HERC1: variants seen among roughly 807,000 people sequenced by gnomAD.
HERC1 encodes probable E3 ubiquitin-protein ligase HERC1.
Under a neutral mutation model 554.3 loss-of-function variants are expected in HERC1, and 160 were observed. The observed-to-expected ratio is 0.29, with a 90% CI of 0.25 to 0.33. HERC1 has a LOEUF of 0.33. HERC1 is among the 10% of genes least tolerant of loss of function. The pLI, the probability that HERC1 is intolerant of heterozygous loss-of-function variation, is 1.00. For missense variants in HERC1, 4,919 were observed against 5,918.5 expected, an observed-to-expected ratio of 0.83 and a Z score of 5.54; for synonymous variants, 2,175 against 2,131.7, an observed-to-expected ratio of 1.02 and a Z score of -0.56.
rs1372379573 is a variant in HERC1, at chr15:63,718,107, C to CAT, written c.3978+466_3978+467insAT. Among the ~76,000 whole-genome samples, 1 of 127,698 alleles carries CAT rather than the reference C, an allele frequency of 7.8e-6. No individual in the cohort carries two copies. Among genetic ancestry groups the CAT allele is most frequent in the Non-Finnish European group, 1.7e-5 (1 of 58,930 alleles). 83.8% of individuals were successfully genotyped at this position (127,698 alleles called of 152,430 possible). A position where few individuals can be genotyped will look rare whatever the true frequency, so the allele number is the denominator to read the frequency against. ...TGACACACACACACACACACACACA[C>CAT]ACACACACACACACACAACCCCCTC... On this transcript the variant is annotated intron_variant, in intron 21 of 77. Coordinates refer to ENST00000443617, the MANE Select transcript of HERC1 (RefSeq NM_003922.4). This position sits in a 1 kb window ranked among gnomAD's most constrained non-coding sequence, Gnocchi z 4.2.
At position 63,636,046 on chromosome 15, in the gene HERC1, T is replaced by C. The variant is rs1173231531; in HGVS notation, c.12329A>G (p.Asp4110Gly). The change falls in exon 65 of 78, where the codon GAC becomes GGC. Residue 4110 changes from aspartate (D) to glycine (G), a missense_variant. Asp to Gly is a moderately conservative substitution (Grantham distance 94). Transcript: ENST00000443617. ...SGEVFSWGDG[D>G]YGKLGHGNSD... Reference sequence around the variant, plus strand: ...GTTCCCATGGCCAAGTTTACCATAGTCACCATCTCCCCAGCTAAAGACCTC... The same window carrying C: ...GTTCCCATGGCCAAGTTTACCATAGCCACCATCTCCCCAGCTAAAGACCTC... 1.2e-6 allele frequency: 2 copies of C among 1,613,820 alleles called. No homozygotes were observed. The highest frequency in any genetic ancestry group is 1.7e-6 in the Non-Finnish European group (2 of 1,179,860).
chr15:63,698,809 A>C lies in HERC1; in HGVS notation c.4824T>G (p.Gly1608=). Residue 1608 remains glycine (G), a synonymous_variant, in exon 26 of 78, where the codon GGT becomes GGG. Coordinates refer to ENST00000443617, the MANE Select transcript of HERC1 (RefSeq NM_003922.4). The part of the protein sequence containing the change: ...FVSGDVGNAP[G]FKEPEESMST... ...ACATACTTTCCTCTGGCTCTTTAAA[A>C]CCTGGGGCATTCCCCACATCTCCAC... 3 of 1,613,890 alleles carry C rather than the reference A, an allele frequency of 1.9e-6. No individual in the cohort carries two copies. Among genetic ancestry groups the C allele is most frequent in the Non-Finnish European group, 2.5e-6 (3 of 1,179,842 alleles).
In HERC1 at chr15:63,733,059, A is replaced by G; in HGVS notation, c.2733T>C (p.Ala911=). The change falls in exon 14 of 78, where the codon GCT becomes GCC. Residue 911 remains alanine, a synonymous_variant. Coordinates refer to ENST00000443617, the MANE Select transcript of HERC1 (RefSeq NM_003922.4). ...SLLGYSSPSD[A]ADLSSVCTGY... Reference sequence around the variant, plus strand: ...CAGTACACACAGAAGATAGGTCAGCAGCATCAGAGGGTGAACTATAGCCAA... The same window carrying G: ...CAGTACACACAGAAGATAGGTCAGCGGCATCAGAGGGTGAACTATAGCCAA... 6.2e-7 allele frequency: 1 copy of G among 1,613,876 alleles called. No individual in the cohort carries two copies. Among genetic ancestry groups the G allele is most frequent in the Non-Finnish European group, 8.5e-7 (1 of 1,179,746 alleles).
At chr15:63,714,554 T>G (rs1308163721) in intron 22 of HERC1, among the ~76,000 whole-genome samples, 1 of 145,660 alleles carries the variant, frequency 6.9e-6, no homozygotes, top group Non-Finnish European at 1.5e-5. Context: ...TGTTTTTTTT[T>G]TTTTTTTTTT....
Position 63,718,377 on chromosome 15 carries a change from A to T in HERC1, c.3978+197T>A, listed in dbSNP as rs143502886. 2 of 486,686 alleles carry T rather than the reference A, an allele frequency of 4.1e-6. No homozygotes were observed. Among genetic ancestry groups the T allele is most frequent in the African/African-American group, 3.9e-5 (2 of 51,148 alleles). 30.1% of individuals were successfully genotyped at this position (486,686 alleles called of 1,614,324 possible). ...AGCCAACTAAAGTTTCTTAGAACCA[A>T]TATCACACTTGGTAAATGTGAGGTT... is the stretch of plus-strand genomic sequence containing the variant. On this transcript the variant is annotated intron_variant, in intron 21 of 77. Coordinates refer to ENST00000443617, the MANE Select transcript of HERC1 (RefSeq NM_003922.4). The surrounding 1 kb of genome is among the most constrained non-coding windows in gnomAD (Gnocchi z 4.2).
intron 10 of HERC1, among the ~76,000 whole-genome samples, 169 bp from the exon 11 acceptor site, chr15:63,748,027 A>C (rs939990967): frequency 1.3e-5 from 2 of 152,168 alleles, no homozygotes; most frequent in Non-Finnish European, 2.9e-5. Context: ...GGAGTTCAAG[A>C]CCAGCCTGGC....
At chr15:63,738,987 T>A (rs2074670058) in intron 12 of HERC1, among the ~76,000 whole-genome samples, 1 of 152,186 alleles carries the variant, frequency 6.6e-6, no homozygotes, top group East Asian at 1.9e-4. Flanking sequence ...GTTTATTTTT[T>A]TTTTTTCAAA....
At chr15:63,626,317 G>A (rs2068298658) in intron 70 of HERC1, among the ~76,000 whole-genome samples, 163 bp from the exon 71 acceptor site, 1 of 152,124 alleles carries the variant, frequency 6.6e-6, no homozygotes, top group South Asian at 2.1e-4. Context: ...GTGCATTTGT[G>A]TTGGTTTTTA....
Position 63,680,072 on chromosome 15 carries a change from A to G in HERC1, c.6549+5T>C, listed in dbSNP as rs191410508. On this transcript the variant is annotated splice_donor_5th_base_variant and intron_variant, in intron 36 of 77. Transcript: ENST00000443617. This position sits in a 1 kb window ranked among gnomAD's most constrained non-coding sequence, Gnocchi z 5.8. ...TTCTTAAATAAAGGTTTGAGACTTC[A>G]TTACCTTTTCCCCTGGATTGCTACT... 6,301 of 1,581,052 alleles carry G rather than the reference A, an allele frequency of 4.0e-3. 29 individuals are homozygous for G. The highest frequency in any genetic ancestry group is 4.3e-3 in the Non-Finnish European group (5,005 of 1,152,434).
intron 1 of HERC1, among the ~76,000 whole-genome samples, chr15:63,812,865 C>T (rs1472326747): frequency 2.0e-5 from 3 of 152,008 alleles, no homozygotes; most frequent in Non-Finnish European, 2.9e-5. Flanking sequence ...TTCCTAGATT[C>T]GAAGACTAAA....
At chr15:63,754,676 G>A in intron 6 of HERC1, 28 bp from the exon 7 acceptor site, 1 of 1,598,154 alleles carries the variant, frequency 6.3e-7, no homozygotes, top group Non-Finnish European at 8.5e-7. Context: ...CAACAACAAA[G>A]AAACAACATT....
At chr15:63,818,052 C>G (rs557885560) in intron 1 of HERC1, among the ~76,000 whole-genome samples, 1 of 151,992 alleles carries the variant, frequency 6.6e-6, no homozygotes, top group Non-Finnish European at 1.5e-5. Context: ...ATGAACTTCA[C>G]AAGTAATCAA....
rs1381671624 is a variant in HERC1, at chr15:63,652,489, T to G, written c.10343A>C (p.Asn3448Thr). Residue 3448 changes from asparagine (N) to threonine (T), a missense_variant, in exon 52 of 78, where the codon AAT (asparagine) becomes ACT (threonine). Coordinates refer to ENST00000443617, the MANE Select transcript of HERC1 (RefSeq NM_003922.4). ...ATTCCATACGCGGATGGTGCCATCA[T>G]TGCCACTTGTAGCCAAAAGACCTTT... ...NKKGLLATSG[N>T]DGTIRVWNVT... 1.9e-6 allele frequency: 3 copies of G among 1,609,736 alleles called. No individual in the cohort carries two copies. Among genetic ancestry groups the G allele is most frequent in the Non-Finnish European group, 2.5e-6 (3 of 1,177,498 alleles).
chr15:63,719,246 G>C (rs1373794034), intron 19 of HERC1, among the ~76,000 whole-genome samples: 1 of 152,218 alleles, frequency 6.6e-6, no homozygotes, highest in Non-Finnish European at 1.5e-5. Flanking sequence ...TTTATATAAG[G>C]TGGTCTGGGA....
chr15:63,629,499 C>T (rs2068453303), intron 69 of HERC1, among the ~76,000 whole-genome samples: 1 of 152,184 alleles, frequency 6.6e-6, no homozygotes, highest in Non-Finnish European at 1.5e-5. Context: ...TATACAAAAA[C>T]ATATATGGAA....
At chr15:63,641,664 C>A in intron 59 of HERC1, 21 bp from the exon 60 acceptor site, 1 of 1,503,216 alleles carries the variant, frequency 6.7e-7, no homozygotes, top group Non-Finnish European at 9.0e-7. Flanking sequence ...ATAAATCATG[C>A]CACATAATAA....
In HERC1 at chr15:63,623,884, C is replaced by A; in HGVS notation, c.13452G>T (p.Arg4484=). 1 of 1,613,722 alleles carries A rather than the reference C, an allele frequency of 6.2e-7. No homozygotes were observed. The highest frequency in any genetic ancestry group is 8.5e-7 in the Non-Finnish European group (1 of 1,179,756). The part of the protein sequence containing the change: ...ITVKRISTRG[R]KCKPIFVQIA... Reference sequence around the variant, plus strand: ...TTTGGACAAAAATAGGCTTACACTTCCGTCCTCTTTAAAAGAAAGGGAGAA... The same window carrying A: ...TTTGGACAAAAATAGGCTTACACTTACGTCCTCTTTAAAAGAAAGGGAGAA... The change falls in exon 73 of 78, where the codon CGG becomes CGT. Residue 4484 remains arginine, a synonymous_variant. Coordinates refer to ENST00000443617, the MANE Select transcript of HERC1 (RefSeq NM_003922.4).
At chr15:63,750,699 T>C (rs1055426596) in intron 8 of HERC1, among the ~76,000 whole-genome samples, 7 of 152,140 alleles carry the variant, frequency 4.6e-5, no homozygotes, top group South Asian at 4.1e-4. Context: ...TGGGAGGCTA[T>C]GGCAGGAGGA....
chr15:63,704,534 C>T (rs921918721), intron 25 of HERC1, among the ~76,000 whole-genome samples: 1 of 152,094 alleles, frequency 6.6e-6, no homozygotes, highest in Non-Finnish European at 1.5e-5. Context: ...AAATGATATA[C>T]ATTTATTAAT....
Sources: gnomAD v4.1 joint callset for allele counts (sites outside exome capture counted in the v4.1 genomes callset) on GRCh38, gnomAD v4.1.1 for gene constraint, Gnocchi (gnomAD v3.1) non-coding constraint, MANE v1.5 for transcripts, NCBI Gene and HGNC (gene_info 2026-07-23, HGNC 2026-07-21) for gene names.